OSMR: variants seen among roughly 807,000 people sequenced by gnomAD.
The protein encoded by OSMR is oncostatin M receptor, also known as oncostatin-M-specific receptor subunit beta.
Under a neutral mutation model 99.9 loss-of-function variants are expected in OSMR, and 81 were observed. The observed-to-expected ratio is 0.81, with a 90% CI of 0.68 to 0.97. The LOEUF is 0.97. OSMR is among the 50% of genes least tolerant of loss of function. The pLI is 0.00. For missense variants in OSMR, 1,099 were observed against 1,153.4 expected (o/e 0.95, Z 0.68); for synonymous variants, 406 against 410.4 (o/e 0.99, Z 0.13).
At chr5:38,938,326 C>T (rs1747189303), downstream of OSMR, 1 of 227,992 alleles carries the variant, frequency 4.4e-6, no homozygotes, top group African/African-American at 2.2e-5. Context: ...AACTAGTTTA[C>T]ACCATTTGTT....
At chr5:38,869,468 A>G (rs1742205443) in intron 2 of OSMR, among the ~76,000 whole-genome samples, 1 of 152,252 alleles carries the variant, frequency 6.6e-6, no homozygotes, top group Non-Finnish European at 1.5e-5. Context: ...GAGAAAAGAC[A>G]CTGGATATAC....
intron 8 of OSMR, 98 bp downstream of exon 8, chr5:38,904,122 T>A: frequency 6.4e-7 from 1 of 1,561,010 alleles, no homozygotes; most frequent in Non-Finnish European, 8.7e-7. Flanking sequence ...TATTTCTGTG[T>A]AGGTTCAAAT....
chr5:38,926,748 C>T (rs1195180485), intron 15 of OSMR, among the ~76,000 whole-genome samples: 5 of 152,152 alleles, frequency 3.3e-5, no homozygotes, highest in Non-Finnish European at 5.9e-5. Flanking sequence ...ATCTCATGCC[C>T]TCATATTTCA....
chr5:38,868,529 G>T (rs977470526), intron 1 of OSMR, among the ~76,000 whole-genome samples: 5 of 152,148 alleles, frequency 3.3e-5, no homozygotes, highest in Admixed American at 6.5e-5. Flanking sequence ...GATCTGATGG[G>T]CTTATCAAGG....
At chr5:38,925,419 C>T (rs188929212) in intron 15 of OSMR, 48 bp downstream of exon 15, 1 of 1,510,106 alleles carries the variant, frequency 6.6e-7, no homozygotes, top group Admixed American at 1.7e-5. Context: ...TTCTGGGAAA[C>T]TAACAAATTA....
intron 1 of OSMR, among the ~76,000 whole-genome samples, chr5:38,858,863 T>A (rs978426681): frequency 6.6e-6 from 1 of 152,234 alleles, no homozygotes; most frequent in Admixed American, 6.5e-5. Context: ...TGATTATTGA[T>A]GTTGGGCATT....
intron 11 of OSMR, 80 bp from the exon 12 acceptor site, chr5:38,921,535 T>C: frequency 6.2e-7 from 1 of 1,604,190 alleles, no homozygotes; most frequent in Non-Finnish European, 8.5e-7. Flanking sequence ...TGCATGTATG[T>C]ATTTACTTTC....
intron 1 of OSMR, among the ~76,000 whole-genome samples, chr5:38,856,080 C>T (rs941229765): frequency 6.6e-6 from 1 of 152,156 alleles, no homozygotes; most frequent in African/African-American, 2.4e-5. Context: ...TTGTGTTAGT[C>T]AGGGTCCCAT....
rs866193875 is a variant in OSMR, at chr5:38,910,986, G to C, written c.1285+6483G>C. Among the ~76,000 whole-genome samples the C allele has an allele frequency of 5.9e-5, 9 of 152,128 alleles. No homozygotes were observed. In the Middle Eastern group the frequency reaches 0.01, roughly 172 times the overall value. ...GATTGCATCACTACACTCCAGCCTG[G>C]GTGACAAAGATCTCAAATTAACAAC... On this transcript the variant is annotated intron_variant, in intron 9 of 17. Transcript: ENST00000274276.
At chr5:38,893,219 G>T (rs937727802) in intron 7 of OSMR, among the ~76,000 whole-genome samples, 10 of 152,192 alleles carry the variant, frequency 6.6e-5, no homozygotes, top group African/African-American at 9.6e-5. Flanking sequence ...AGGGCTATAG[G>T]TGCAAAGCCA....
At chr5:38,883,789 G>A in intron 4 of OSMR, 38 bp from the exon 5 acceptor site, 1 of 1,611,740 alleles carries the variant, frequency 6.2e-7, no homozygotes, top group Non-Finnish European at 8.5e-7. Context: ...CTTGAATTTT[G>A]AGTGCGATTC....
chr5:38,933,480 C>T lies in OSMR; in HGVS notation c.*36C>T. The T allele has an allele frequency of 6.2e-7, 1 of 1,612,258 alleles. No individual in the cohort carries two copies. The highest frequency in any genetic ancestry group is 8.5e-7 in the Non-Finnish European group (1 of 1,178,776). On this transcript the variant is annotated 3_prime_UTR_variant, in exon 18 of 18. Transcript: ENST00000274276. ...GATTTCATACCTTATGCTACACAGA[C>T]ATTAAGAAGAGCAGAGCTGGCACCC...
rs545120987 is a variant in OSMR at position 38,892,587 on chromosome 5, G to A, written c.991+6397G>A. 4.9e-4 allele frequency among the ~76,000 whole-genome samples: 74 copies of A among 152,204 alleles called. No homozygotes were observed. In the South Asian group the frequency reaches 0.011, roughly 22 times the overall value. On this transcript the variant is annotated intron_variant, in intron 7 of 17. Coordinates refer to ENST00000274276, the MANE Select transcript of OSMR (RefSeq NM_003999.3). ...AACATCCACTCACGTGGGCCCAAAG[G>A]TGATGTCCCCCCATACAAGAAGTAG...
chr5:38,854,143 A>G (rs1740671327), intron 1 of OSMR, among the ~76,000 whole-genome samples: 2 of 152,104 alleles, frequency 1.3e-5, no homozygotes, highest in Admixed American at 6.5e-5. Context: ...TCATAAATGC[A>G]TACACCCAGG....
At chr5:38,858,631 G>A (rs548122298) in intron 1 of OSMR, among the ~76,000 whole-genome samples, 1 of 152,248 alleles carries the variant, frequency 6.6e-6, no homozygotes, top group African/African-American at 2.4e-5. Context: ...ATACCTAATA[G>A]TGGGATTGCT....
At chr5:38,895,875 C>G (rs1241086903) in intron 7 of OSMR, among the ~76,000 whole-genome samples, 1 of 151,964 alleles carries the variant, frequency 6.6e-6, no homozygotes, top group African/African-American at 2.4e-5. Flanking sequence ...TTATGGATAT[C>G]CAGTTTTCCC....
At chr5:38,941,794 A>G (rs1747599783) in intron 1 of OSMR, 2 of 233,066 alleles carry the variant, frequency 8.6e-6, no homozygotes, top group Non-Finnish European at 1.7e-5. Flanking sequence ...TGAAAGGGCC[A>G]AAGTTCCCTC....
At chr5:38,925,011 G>A (rs595740) in intron 14 of OSMR, 193 bp from the exon 15 acceptor site, 190,240 of 912,244 alleles carry the variant, frequency 0.21, 20,256 homozygotes, top group East Asian at 0.32. Context: ...TTTGCTTTTT[G>A]TGCCATCTCC....
At chr5:38,925,411 CTGGGAAACTAACAAATTACAGAAG>C (rs1391293678) in intron 15 of OSMR, 40 bp downstream of exon 15, 8 of 1,547,140 alleles carry the variant, frequency 5.2e-6, no homozygotes, top group Middle Eastern at 1.7e-4. Flanking sequence ...TTAGGAGTTT[CTGGGAAACTAACAAATTACAGAAG>C]TGTTGACTTA....
Sources: allele counts gnomAD v4.1 joint callset (sites outside exome capture counted in the v4.1 genomes callset), GRCh38; gene constraint gnomAD v4.1.1; transcripts MANE v1.5; gene names NCBI Gene and HGNC (gene_info 2026-07-23, HGNC 2026-07-21).